Variants in BMAL1 observed in about 807,000 individuals in gnomAD.
The protein encoded by BMAL1 is basic helix-loop-helix ARNT like 1, also known as basic helix-loop-helix ARNT-like protein 1.
At chr11:13,374,274 C>A in the BMAL1 span, 2 of 1,381,404 alleles carry the variant, frequency 1.4e-6, no homozygotes, top group Non-Finnish European at 2.0e-6. Context: ...CATGACCTTC[C>A]AGGGAAATCT....
the BMAL1 span, among the ~76,000 whole-genome samples, chr11:13,335,259 G>A: frequency 0.011 from 1,653 of 152,328 alleles, 41 homozygotes; most frequent in African/African-American, 0.039. Flanking sequence ...GTCTAGCAGT[G>A]AAGAAACATA....
chr11:13,316,320 T>C, the BMAL1 span, among the ~76,000 whole-genome samples: 12 of 152,224 alleles, frequency 7.9e-5, no homozygotes, highest in East Asian at 1.5e-3. Flanking sequence ...TTGGTATGTG[T>C]GCATGTGTGT....
the BMAL1 span, among the ~76,000 whole-genome samples, chr11:13,323,964 G>A: frequency 3.3e-3 from 503 of 152,166 alleles, 3 homozygotes; most frequent in African/African-American, 0.011. Flanking sequence ...ATATTTATGG[G>A]GTACATAGTG....
the BMAL1 span, chr11:13,376,560 C>T: frequency 3.7e-5 from 51 of 1,366,110 alleles, no homozygotes; most frequent in South Asian, 5.8e-5. Flanking sequence ...GAGTGGACAC[C>T]GGACACCTTG....
chr11:13,285,575 A>G, the BMAL1 span, among the ~76,000 whole-genome samples: 9 of 152,310 alleles, frequency 5.9e-5, no homozygotes, highest in African/African-American at 1.9e-4. Context: ...TCTGGGGGAA[A>G]GTATCCCAGG....
At chr11:13,336,128 G>A in the BMAL1 span, among the ~76,000 whole-genome samples, 1 of 152,216 alleles carries the variant, frequency 6.6e-6, no homozygotes. Context: ...ATAAGGATAT[G>A]TAGTAGAAGT....
At chr11:13,340,850 G>A in the BMAL1 span, among the ~76,000 whole-genome samples, 1 of 152,114 alleles carries the variant, frequency 6.6e-6, no homozygotes, top group Non-Finnish European at 1.5e-5. Context: ...CATAGTGGAC[G>A]CCACTGAGCA....
the BMAL1 span, chr11:13,376,586 GCA>G: frequency 1.3e-6 from 2 of 1,570,788 alleles, no homozygotes; most frequent in East Asian, 4.5e-5. Flanking sequence ...GTTGAATGGT[GCA>G]CAGTTCTGAG....
At chr11:13,293,724 T>C in the BMAL1 span, among the ~76,000 whole-genome samples, 1 of 152,252 alleles carries the variant, frequency 6.6e-6, no homozygotes, top group African/African-American at 2.4e-5. Flanking sequence ...CCTTACTGGG[T>C]AGCACATGAC....
At chr11:13,299,952 C>T in the BMAL1 span, among the ~76,000 whole-genome samples, 4 of 152,136 alleles carry the variant, frequency 2.6e-5, no homozygotes, top group African/African-American at 7.2e-5. Context: ...ATTGAGTGTC[C>T]GAGGGGCTGA....
At chr11:13,360,257 C>A in the BMAL1 span, 2 of 1,150,180 alleles carry the variant, frequency 1.7e-6, no homozygotes, top group Non-Finnish European at 2.6e-6. Flanking sequence ...AGAGACTAGG[C>A]CACTTACAGA....
the BMAL1 span, among the ~76,000 whole-genome samples, chr11:13,383,633 G>A: frequency 3.5e-4 from 54 of 152,132 alleles, no homozygotes; most frequent in African/African-American, 1.3e-3. Flanking sequence ...CAAACTGCTT[G>A]AGTCCAGCAG....
chr11:13,355,443 C>T, the BMAL1 span: 13 of 787,158 alleles, frequency 1.7e-5, no homozygotes, highest in East Asian at 3.5e-4. Context: ...TGAGCAAGCG[C>T]TAAGGGAGCC....
chr11:13,348,039 A>G, the BMAL1 span, among the ~76,000 whole-genome samples: 47 of 152,252 alleles, frequency 3.1e-4, no homozygotes, highest in Admixed American at 4.6e-4. Flanking sequence ...GCCTACAAGC[A>G]GAGAATGGTC....
the BMAL1 span, among the ~76,000 whole-genome samples, chr11:13,343,936 C>T: frequency 1.3e-5 from 2 of 152,168 alleles, no homozygotes; most frequent in East Asian, 1.9e-4. Context: ...CTCCAAATGC[C>T]GTCTCCTTGA....
the BMAL1 span, among the ~76,000 whole-genome samples, chr11:13,386,323 C>T: frequency 1.3e-5 from 2 of 151,950 alleles, no homozygotes; most frequent in South Asian, 2.1e-4. Flanking sequence ...AAATTTTAAG[C>T]GCTTTGTACT....
chr11:13,303,975 A>T, the BMAL1 span, among the ~76,000 whole-genome samples: 3 of 152,200 alleles, frequency 2.0e-5, no homozygotes, highest in Non-Finnish European at 4.4e-5. Context: ...GAGCAGCAAG[A>T]CAAAGGCTGC....
the BMAL1 span, among the ~76,000 whole-genome samples, chr11:13,343,294 T>A: frequency 3.9e-5 from 6 of 152,220 alleles, no homozygotes; most frequent in Non-Finnish European, 1.5e-5. Context: ...CACTAATTGG[T>A]ATCAGTTCCC....
the BMAL1 span, among the ~76,000 whole-genome samples, chr11:13,278,928 G>T: frequency 6.6e-6 from 1 of 152,222 alleles, no homozygotes; most frequent in African/African-American, 2.4e-5. Context: ...GCGCATGTTA[G>T]CCTCCCCGAG....
Sources: allele counts gnomAD v4.1 joint callset (sites outside exome capture counted in the v4.1 genomes callset), GRCh38; gene constraint gnomAD v4.1.1; transcripts MANE v1.5; gene names NCBI Gene and HGNC (gene_info 2026-07-23, HGNC 2026-07-21).